Variants in PLXND1 observed in about 807,000 individuals in gnomAD.
The protein encoded by PLXND1 is plexin D1.
In PLXND1, 54 loss-of-function variants were observed where a neutral mutation model predicts 197.7. That is an observed-to-expected ratio of 0.27 (90% CI 0.22 to 0.34). The LOEUF is 0.34. Among genes scored for constraint, PLXND1 ranks in the 10% least tolerant of loss-of-function variants. The pLI is 1.00. For synonymous variants in PLXND1, 1,180 were observed against 1,161.2 expected, an observed-to-expected ratio of 1.02 and a Z score of -0.33; for missense variants, 2,127 against 2,699.2, an observed-to-expected ratio of 0.79 and a Z score of 4.70.
chr3:129,562,732 G>A, intron 27 of PLXND1, 55 bp downstream of exon 27: 1 of 1,528,502 alleles, frequency 6.5e-7, no homozygotes, highest in Non-Finnish European at 8.9e-7. Flanking sequence ...TCAAGGCAGG[G>A]GCCAGCCCCG....
At position 129,577,777 on chromosome 3, in the gene PLXND1, T is replaced by G. The variant is rs555716900; in HGVS notation, c.2346+552A>C. On this transcript the variant is annotated intron_variant, in intron 9 of 35. Coordinates refer to ENST00000324093, the MANE Select transcript of PLXND1 (RefSeq NM_015103.3). This position sits in a 1 kb window ranked among gnomAD's most constrained non-coding sequence, Gnocchi z 5.0. ...GGCTAGTTGCAAAGACGAGCACTGG[T>G]TGGGGAGTCCAGAGCTAAGCACAAG... Among the ~76,000 whole-genome samples, 7 of 152,042 alleles carry G rather than the reference T, an allele frequency of 4.6e-5. No homozygotes were observed. The highest frequency in any genetic ancestry group is 1.0e-4 in the Non-Finnish European group (7 of 67,972).
intron 2 of PLXND1, 41 bp downstream of exon 2, chr3:129,589,310 T>TGCCCCCCCCCCCCCCCC: frequency 8.0e-6 from 4 of 501,290 alleles, no homozygotes; most frequent in Non-Finnish European, 7.6e-6. Context: ...CAGGGGAGCC[T>TGCCCCCCCCCCCCCCCC]CCCACCCCCA....
intron 1 of PLXND1, among the ~76,000 whole-genome samples, chr3:129,590,319 C>A (rs1366787512): frequency 6.6e-6 from 1 of 151,978 alleles, no homozygotes; most frequent in Non-Finnish European, 1.5e-5. Flanking sequence ...GTTCCCTGAA[C>A]TTGCTCCTAC....
intron 1 of PLXND1, among the ~76,000 whole-genome samples, chr3:129,595,027 G>A (rs1393789656): frequency 1.3e-5 from 2 of 152,144 alleles, no homozygotes; most frequent in Admixed American, 6.5e-5. Context: ...CTCAGCCCCC[G>A]TCCCCGCCAA....
At chr3:129,563,355 ATCCT>A in intron 25 of PLXND1, 115 bp from the exon 26 acceptor site, 1 of 829,354 alleles carries the variant, frequency 1.2e-6, no homozygotes, top group Non-Finnish European at 1.8e-6. Flanking sequence ...CTCCTTTTGG[ATCCT>A]GGTGTCAACA....
rs773670982 is a variant in PLXND1, at chr3:129,606,236, C to G, written c.404G>C (p.Gly135Ala). 1 of 1,575,302 alleles carries G rather than the reference C, an allele frequency of 6.3e-7. No homozygotes were observed. Among genetic ancestry groups the G allele is most frequent in the Non-Finnish European group, 8.6e-7 (1 of 1,165,658 alleles). The change falls in exon 1 of 36, where the codon GGC (glycine) becomes GCC (alanine). Residue 135 changes from glycine (G) to alanine (A), a missense_variant. Transcript: ENST00000324093. The part of the protein sequence containing the change: ...NKILQLDPGQ[G>A]LVVVCGSIYQ... ...GATGGACCCGCACACGACTACCAGG[C>G]CCTGGCCGGGGTCCAGCTGCAGGAT... is the stretch of plus-strand genomic sequence containing the variant.
chr3:129,589,310 T>TGGGCCCCCCCCCCCCCCCCCCCCCC, intron 2 of PLXND1, 41 bp downstream of exon 2: 2 of 501,292 alleles, frequency 4.0e-6, no homozygotes. Context: ...CAGGGGAGCC[T>TGGGCCCCCCCCCCCCCCCCCCCCCC]CCCACCCCCA....
chr3:129,605,967 G>C lies in PLXND1; in HGVS notation c.673C>G (p.Arg225Gly), dbSNP rs1399605966. 6.2e-7 allele frequency: 1 copy of C among 1,611,934 alleles called. No individual in the cohort carries two copies. Among genetic ancestry groups the C allele is most frequent in the Non-Finnish European group, 8.5e-7 (1 of 1,179,802 alleles). The change falls in exon 1 of 36, where the codon CGC becomes GGC. Residue 225 changes from arginine (R) to glycine (G), a missense_variant. Transcript: ENST00000324093. ...TCGAAGCGGTGGTCCTCCAGGCTGC[G>C]GTTGCGCGGGAAGAAGGAGCTGCCG... is the stretch of plus-strand genomic sequence containing the variant. ...GYGSSFFPRN[R>G]SLEDHRFENT...
intron 31 of PLXND1, 58 bp downstream of exon 31, chr3:129,560,272 G>A: frequency 9.0e-7 from 1 of 1,106,268 alleles, no homozygotes; most frequent in Non-Finnish European, 1.4e-6. Context: ...TGACCCTCTG[G>A]AGCTGGGGCT....
In PLXND1 at chr3:129,586,692, C is replaced by A. The variant is rs777597461; in HGVS notation, c.1516G>T (p.Val506Leu). The stretch of plus-strand genomic sequence containing the variant: ...GCCACAGTCACCACCCGCCTGCTCA[C>A]CACCTGCATGCTCTCGTTCAGGTTG... ...KINLNESMQV[V>L]SRRVVTVAYG... The change falls in exon 3 of 36, where the codon GTG becomes TTG. Residue 506 changes from valine to leucine, a missense_variant. This residue lies in a region of PLXND1 where 1,095 missense variants were observed against 1,259.8 expected (regional missense o/e 0.87). Coordinates refer to ENST00000324093, the MANE Select transcript of PLXND1 (RefSeq NM_015103.3). 50 of 1,597,658 alleles carry A rather than the reference C, an allele frequency of 3.1e-5. No individual in the cohort carries two copies. Among genetic ancestry groups the A allele is most frequent in the Non-Finnish European group, 3.8e-5 (45 of 1,171,868 alleles).
intron 25 of PLXND1, among the ~76,000 whole-genome samples, chr3:129,563,610 T>G (rs1026046976): frequency 6.6e-6 from 1 of 152,172 alleles, no homozygotes; most frequent in African/African-American, 2.4e-5. Context: ...GCCTGTGACT[T>G]TCTACTAAGT....
chr3:129,583,992 T>C (rs2085421363), intron 7 of PLXND1, 133 bp downstream of exon 7: 3 of 655,344 alleles, frequency 4.6e-6, no homozygotes. Context: ...TGCTGGTGAA[T>C]GAACAACTGA....
chr3:129,572,787 C>G lies in PLXND1; in HGVS notation c.2938-39G>C, dbSNP rs370056404. On this transcript the variant is annotated intron_variant, in intron 14 of 35. Transcript: ENST00000324093. ...GCAGGCGTTTGGGCCTCGGGCCAGCCCCCGGGAGTGTGCGTGCTGGGCGGG... is the reference window on the plus strand; with the variant it reads ...GCAGGCGTTTGGGCCTCGGGCCAGCGCCCGGGAGTGTGCGTGCTGGGCGGG... 23 of 1,610,506 alleles carry G rather than the reference C, an allele frequency of 1.4e-5. No homozygotes were observed. The East Asian group carries it at 5.1e-4, about 36-fold the overall frequency.
rs1334737721 is a variant in PLXND1, at chr3:129,606,237, C to A, written c.403G>T (p.Gly135Cys). 1.5e-5 allele frequency: 23 copies of A among 1,575,224 alleles called. No individual in the cohort carries two copies. The East Asian group carries it at 5.5e-4, about 38-fold the overall frequency. The change falls in exon 1 of 36, where the codon GGC becomes TGC. Residue 135 changes from glycine (G) to cysteine (C), a missense_variant. Physicochemically the swap from Gly to Cys is radical, Grantham distance 159. Coordinates refer to ENST00000324093, the MANE Select transcript of PLXND1 (RefSeq NM_015103.3). ...ATGGACCCGCACACGACTACCAGGC[C>A]CTGGCCGGGGTCCAGCTGCAGGATC... ...NKILQLDPGQ[G>C]LVVVCGSIYQ... is the part of the protein sequence containing the mutation.
intron 22 of PLXND1, 45 bp from the exon 23 acceptor site, chr3:129,566,676 C>G (rs771536259): frequency 8.1e-7 from 1 of 1,236,724 alleles, no homozygotes; most frequent in African/African-American, 1.5e-5. Context: ...TGGACACCCC[C>G]TGCTGGCATG....
At chr3:129,598,760 G>A (rs938344985) in intron 1 of PLXND1, among the ~76,000 whole-genome samples, 14 of 152,100 alleles carry the variant, frequency 9.2e-5, no homozygotes, top group Non-Finnish European at 1.8e-4. Flanking sequence ...GATTTTGGAG[G>A]AATGAGGGGT....
rs532643011 is a variant in PLXND1, at chr3:129,591,799, C to T, written c.1312-2272G>A. ...TCCCAGCCCTCTTCATTTTCCAAGA[C>T]CACTCTTGCCCCCTACACTGACATT... On this transcript the variant is annotated intron_variant, in intron 1 of 35. Coordinates refer to ENST00000324093, the MANE Select transcript of PLXND1 (RefSeq NM_015103.3). 5.3e-4 allele frequency among the ~76,000 whole-genome samples: 81 copies of T among 152,276 alleles called. No individual in the cohort carries two copies. In the South Asian group the frequency reaches 0.016, roughly 31 times the overall value.
At chr3:129,567,832 G>A (rs1365464131) in intron 20 of PLXND1, 27 bp from the exon 21 acceptor site, 3 of 1,386,296 alleles carry the variant, frequency 2.2e-6, no homozygotes, top group African/African-American at 2.9e-5. Flanking sequence ...GGCAGGTCAG[G>A]CCTCTGGTGC....
intron 25 of PLXND1, 35 bp downstream of exon 25, chr3:129,565,305 C>A: frequency 6.3e-7 from 1 of 1,588,390 alleles, no homozygotes; most frequent in Non-Finnish European, 8.6e-7. Context: ...GCCACGTCCC[C>A]CGCCTGGGCT....
Sources: allele counts gnomAD v4.1 joint callset (sites outside exome capture counted in the v4.1 genomes callset), GRCh38; gene constraint gnomAD v4.1.1; regional missense constraint gnomAD v4.1.1; non-coding constraint Gnocchi (gnomAD v3.1); transcripts MANE v1.5; gene names NCBI Gene and HGNC (gene_info 2026-07-23, HGNC 2026-07-21).